The following DIAPH3 variants were observed in gnomAD, a reference collection of about 807,000 sequenced individuals.
The protein encoded by DIAPH3 is diaphanous related formin 3, also known as protein diaphanous homolog 3.
A neutral mutation model predicts 144.3 loss-of-function variants in DIAPH3; 117 were observed. The ratio of observed to expected loss-of-function variants is 0.81; its 90% CI spans 0.70 to 0.95. DIAPH3 has a LOEUF of 0.95. Ranked by LOEUF, DIAPH3 falls within the 40% of genes least tolerant of loss-of-function variation. The pLI is 0.00. For synonymous variants in DIAPH3, 519 were observed against 488.9 expected (o/e 1.06, Z -0.81); for missense variants, 1,421 against 1,412.7 (o/e 1.01, Z -0.09).
At chr13:60,131,880 T>C (rs758465475) in intron 2 of DIAPH3, among the ~76,000 whole-genome samples, 8 of 152,192 alleles carry the variant, frequency 5.3e-5, no homozygotes, top group Non-Finnish European at 1.2e-4. Context: ...CTTAAAGCAA[T>C]GTGGAACAAA....
chr13:60,079,217 G>A (rs561521199), intron 4 of DIAPH3, among the ~76,000 whole-genome samples: 1 of 152,026 alleles, frequency 6.6e-6, no homozygotes, highest in Non-Finnish European at 1.5e-5. Context: ...AAAAAATAAA[G>A]CATGATTTAT....
intron 27 of DIAPH3, among the ~76,000 whole-genome samples, chr13:59,744,234 T>G (rs1160500993): frequency 6.6e-6 from 1 of 152,224 alleles, no homozygotes; most frequent in Non-Finnish European, 1.5e-5. Flanking sequence ...GATGATGACA[T>G]GATATCCAAT....
chr13:59,708,572 T>C (rs1464870535), intron 27 of DIAPH3, among the ~76,000 whole-genome samples: 1 of 152,182 alleles, frequency 6.6e-6, no homozygotes, highest in Non-Finnish European at 1.5e-5. Flanking sequence ...CTTCCAGGAC[T>C]TCACCCTTGC....
intron 4 of DIAPH3, among the ~76,000 whole-genome samples, chr13:60,073,819 T>C (rs948696059): frequency 1.3e-5 from 2 of 152,220 alleles, no homozygotes; most frequent in East Asian, 1.9e-4. Context: ...TTTTGTGCTA[T>C]TCCAAGTCAC....
At chr13:59,693,261 G>A (rs1363801832) in intron 27 of DIAPH3, among the ~76,000 whole-genome samples, 1 of 152,120 alleles carries the variant, frequency 6.6e-6, no homozygotes, top group Non-Finnish European at 1.5e-5. Context: ...GTGGGTGAGG[G>A]TGTTCTGGGA....
At chr13:60,105,618 G>GAATTTTTC (rs1661646606) in intron 3 of DIAPH3, among the ~76,000 whole-genome samples, 1 of 151,970 alleles carries the variant, frequency 6.6e-6, no homozygotes, top group Non-Finnish European at 1.5e-5. Flanking sequence ...ACCTTTCCCT[G>GAATTTTTC]AATTTTTCAA....
At chr13:59,907,366 C>T (rs1333601983) in intron 20 of DIAPH3, among the ~76,000 whole-genome samples, 1 of 152,136 alleles carries the variant, frequency 6.6e-6, no homozygotes, top group Non-Finnish European at 1.5e-5. Flanking sequence ...GATAGACCAC[C>T]TCTCAGGGCA....
At chr13:60,011,751 G>A (rs1052540853) in intron 7 of DIAPH3, among the ~76,000 whole-genome samples, 1 of 152,130 alleles carries the variant, frequency 6.6e-6, no homozygotes, top group Non-Finnish European at 1.5e-5. Context: ...TGTAGAAACT[G>A]CCACAATGGG....
At chr13:59,856,698 T>C (rs936851149) in intron 22 of DIAPH3, among the ~76,000 whole-genome samples, 1 of 152,188 alleles carries the variant, frequency 6.6e-6, no homozygotes, top group African/African-American at 2.4e-5. Context: ...AGTTCTGACA[T>C]ACTGAGGTTT....
chr13:59,707,472 G>A (rs1333555970), intron 27 of DIAPH3, among the ~76,000 whole-genome samples: 1 of 152,154 alleles, frequency 6.6e-6, no homozygotes, highest in Non-Finnish European at 1.5e-5. Context: ...TAAGGTTTTA[G>A]AAAGTTAAAA....
chr13:59,984,001 T>A (rs1041494010), intron 12 of DIAPH3, 114 bp from the exon 13 acceptor site: 2 of 709,282 alleles, frequency 2.8e-6, no homozygotes, highest in African/African-American at 3.5e-5. Flanking sequence ...AGTAATATAA[T>A]TTCAATAGTT....
intron 17 of DIAPH3, among the ~76,000 whole-genome samples, chr13:59,957,851 T>C (rs936032991): frequency 6.6e-6 from 1 of 152,184 alleles, no homozygotes; most frequent in Non-Finnish European, 1.5e-5. Flanking sequence ...CCATTGGCTA[T>C]TTTAGCTCTC....
At chr13:59,970,359 G>A (rs1009096141) in intron 16 of DIAPH3, among the ~76,000 whole-genome samples, 3 of 152,046 alleles carry the variant, frequency 2.0e-5, no homozygotes, top group Admixed American at 6.6e-5. Flanking sequence ...ACATTTTGGT[G>A]GGCAGGACAC....
chr13:60,053,843 A>G (rs1255071223), intron 4 of DIAPH3, among the ~76,000 whole-genome samples: 1 of 152,066 alleles, frequency 6.6e-6, no homozygotes, highest in East Asian at 1.9e-4. Flanking sequence ...TTTTTAAAAT[A>G]ATAAATGTAA....
rs1404499066 is a variant in DIAPH3 at position 59,980,267 on chromosome 13, T to C, written c.1545+528A>G. ...TCAACTTAATATAATGAAGCAACTTTAATCAAAACTAAAAGCAAGTTAACT... is the reference window on the plus strand; with the variant it reads ...TCAACTTAATATAATGAAGCAACTTCAATCAAAACTAAAAGCAAGTTAACT... On this transcript the variant is annotated intron_variant, in intron 14 of 27. Transcript: ENST00000400324. 2.7e-4 allele frequency among the ~76,000 whole-genome samples: 41 copies of C among 151,662 alleles called. 1 individual carries two copies. The Admixed American group carries it at 2.7e-3, about 10-fold the overall frequency.
At position 59,666,622 on chromosome 13, in the gene DIAPH3, C is replaced by G; in HGVS notation, c.3544G>C (p.Glu1182Gln). The change falls in exon 28 of 28, where the codon GAA becomes CAA. Residue 1182 changes from glutamate to glutamine, a missense_variant. Transcript: ENST00000400324. ...GSFSKNESVP[E>Q]VEALLARLRA... ...AATCTTGCCAGCAGGGCTTCAACTTCGGGAACTGATTCATTTTTAGAAAAA... is the reference window on the plus strand; with the variant it reads ...AATCTTGCCAGCAGGGCTTCAACTTGGGGAACTGATTCATTTTTAGAAAAA... The G allele has an allele frequency of 6.2e-7, 1 of 1,614,084 alleles. No homozygotes were observed. Among genetic ancestry groups the G allele is most frequent in the Non-Finnish European group, 8.5e-7 (1 of 1,179,984 alleles).
At position 59,757,324 on chromosome 13, in the gene DIAPH3, T is replaced by G. The variant is rs995749823; in HGVS notation, c.3319+16865A>C. Among the ~76,000 whole-genome samples the G allele has an allele frequency of 4.1e-5, 5 of 122,470 alleles. No homozygotes were observed. The South Asian group carries it at 1.1e-3, about 27-fold the overall frequency. 80.3% of individuals were successfully genotyped at this position (122,470 alleles called of 152,430 possible). ...CCTGAAGAAACAGTGCTATATATAA[T>G]GGTAAAAAAAAATTGAAAAACATAA... On this transcript the variant is annotated intron_variant, in intron 27 of 27. Transcript: ENST00000400324.
rs2051190979 is a variant in DIAPH3 at position 59,983,807 on chromosome 13, T to A, written c.1442A>T (p.Tyr481Phe). 5 of 1,609,324 alleles carry A rather than the reference T, an allele frequency of 3.1e-6. No individual in the cohort carries two copies. The highest frequency in any genetic ancestry group is 1.3e-5 in the African/African-American group (1 of 74,802). The change falls in exon 13 of 28, where the codon TAT becomes TTT. Residue 481 changes from tyrosine (Y) to phenylalanine (F), a missense_variant. Coordinates refer to ENST00000400324, the MANE Select transcript of DIAPH3 (RefSeq NM_001042517.2). ...HRDGMDPDFT[Y>F]RKRLDLDLTQ... Reference sequence around the variant, plus strand: ...TAAATCTAAATCTAGTCTTTTTCGATATGTGAAGTCTGGATCCATTCCATC... The same window carrying A: ...TAAATCTAAATCTAGTCTTTTTCGAAATGTGAAGTCTGGATCCATTCCATC...
intron 27 of DIAPH3, among the ~76,000 whole-genome samples, chr13:59,773,669 T>C (rs2038236593): frequency 1.3e-5 from 2 of 152,192 alleles, no homozygotes; most frequent in Non-Finnish European, 1.5e-5. Flanking sequence ...CCATCTTAGA[T>C]AAATATCAGA....
Sources: allele counts gnomAD v4.1 joint callset (sites outside exome capture counted in the v4.1 genomes callset), GRCh38; gene constraint gnomAD v4.1.1; transcripts MANE v1.5; gene names NCBI Gene and HGNC (gene_info 2026-07-23, HGNC 2026-07-21).